The following RBM20 variants were observed in gnomAD, a reference collection of about 807,000 sequenced individuals.
The protein encoded by RBM20 is RNA binding motif protein 20.
RBM20 carries 51 observed loss-of-function variants against 110.1 expected under a neutral mutation model. The ratio of observed to expected loss-of-function variants is 0.46; its 90% CI spans 0.37 to 0.59. The LOEUF (loss-of-function observed/expected upper bound fraction) is 0.59. RBM20 is among the 20% of genes least tolerant of loss of function. RBM20 has a pLI of 0.00. For missense variants in RBM20, 1,512 were observed against 1,574.9 expected, an observed-to-expected ratio of 0.96 and a Z score of 0.68; for synonymous variants, 589 against 618.2, an observed-to-expected ratio of 0.95 and a Z score of 0.70.
intron 1 of RBM20, among the ~76,000 whole-genome samples, chr10:110,753,104 A>G (rs1295214296): frequency 2.0e-5 from 3 of 151,242 alleles, no homozygotes; most frequent in South Asian, 4.2e-4. Flanking sequence ...ATACCCGGCT[A>G]ATTTTTGTAT....
At chr10:110,824,738 T>A (rs1469076180) in intron 12 of RBM20, among the ~76,000 whole-genome samples, 1 of 152,196 alleles carries the variant, frequency 6.6e-6, no homozygotes, top group African/African-American at 2.4e-5. Flanking sequence ...CCAGCCTACA[T>A]CATCTTTGAG....
At chr10:110,825,495 C>G (rs1312066547) in intron 12 of RBM20, among the ~76,000 whole-genome samples, 1 of 152,196 alleles carries the variant, frequency 6.6e-6, no homozygotes, top group Non-Finnish European at 1.5e-5. Flanking sequence ...CAGTCTCTCC[C>G]CAGTCTCCAG....
At chr10:110,750,286 G>A (rs1843836112) in intron 1 of RBM20, among the ~76,000 whole-genome samples, 1 of 152,198 alleles carries the variant, frequency 6.6e-6, no homozygotes, top group South Asian at 2.1e-4. Flanking sequence ...GTTGTATAGG[G>A]GGAAATTGCC....
At chr10:110,695,514 G>A (rs982376871) in intron 1 of RBM20, among the ~76,000 whole-genome samples, 1 of 152,326 alleles carries the variant, frequency 6.6e-6, no homozygotes, top group Non-Finnish European at 1.5e-5. Context: ...CAGGGGAAAT[G>A]TGTCCGCCCC....
At position 110,734,618 on chromosome 10, in the gene RBM20, C is replaced by CATTTT. The variant is rs34824300; in HGVS notation, c.192-46183_192-46182insATTTT. 1.2e-4 allele frequency among the ~76,000 whole-genome samples: 17 copies of CATTTT among 136,544 alleles called. 2 individuals are homozygous for CATTTT. Among genetic ancestry groups the CATTTT allele is most frequent in the African/African-American group, 1.1e-4 (4 of 36,912 alleles). 89.6% of individuals were successfully genotyped at this position (136,544 alleles called of 152,430 possible). A position where few individuals can be genotyped will look rare whatever the true frequency, so the allele number is the denominator to read the frequency against. ...CATGGAACCAATATAAAAATTCCCT[C>CATTTT]TTTTTTTTTTTTTTTTTTGAGAGTG... On this transcript the variant is annotated intron_variant, in intron 1 of 13. Coordinates refer to ENST00000369519, the MANE Select transcript of RBM20 (RefSeq NM_001134363.3).
intron 1 of RBM20, among the ~76,000 whole-genome samples, chr10:110,657,110 G>C (rs890673270): frequency 6.6e-6 from 1 of 151,680 alleles, no homozygotes; most frequent in East Asian, 1.9e-4. Context: ...TCTTCCTCCC[G>C]GGTTCAAGCG....
chr10:110,793,844 G>A (rs1844514955), intron 5 of RBM20, among the ~76,000 whole-genome samples: 1 of 152,208 alleles, frequency 6.6e-6, no homozygotes, highest in South Asian at 2.1e-4. Context: ...TTACCATATT[G>A]ATAAAGAAAT....
At chr10:110,661,882 G>T (rs1319986506) in intron 1 of RBM20, among the ~76,000 whole-genome samples, 1 of 152,000 alleles carries the variant, frequency 6.6e-6, no homozygotes, top group East Asian at 1.9e-4. Flanking sequence ...ATGGTGGTGG[G>T]CACCTGTAAT....
intron 1 of RBM20, among the ~76,000 whole-genome samples, chr10:110,669,306 G>T (rs9651418): frequency 5.9e-5 from 9 of 151,908 alleles, no homozygotes; most frequent in African/African-American, 2.2e-4. Flanking sequence ...GGCGGGGTAG[G>T]GGGGACAGGG....
At chr10:110,749,986 G>T (rs1430600301) in intron 1 of RBM20, among the ~76,000 whole-genome samples, 1 of 152,146 alleles carries the variant, frequency 6.6e-6, no homozygotes, top group Non-Finnish European at 1.5e-5. Context: ...TGAAAAAAAT[G>T]ATAAATTTGA....
chr10:110,831,685 A>C (rs1029671868), intron 13 of RBM20, among the ~76,000 whole-genome samples: 4 of 150,282 alleles, frequency 2.7e-5, no homozygotes, highest in Non-Finnish European at 3.0e-5. Flanking sequence ...AAAAAAAAAA[A>C]AAAAAACACT....
intron 1 of RBM20, among the ~76,000 whole-genome samples, chr10:110,688,913 C>G (rs1862544527): frequency 6.6e-6 from 1 of 151,778 alleles, no homozygotes; most frequent in South Asian, 2.1e-4. Flanking sequence ...CCTATAATAG[C>G]TTCTCTGTCT....
Position 110,821,715 on chromosome 10 carries a change from G to A in RBM20, c.3096G>A (p.Val1032=), listed in dbSNP as rs768655519. The part of the protein sequence containing the change: ...SDCYEKEAKG[V]ESSDVHPAPT... ...GCTACGAGAAGGAGGCAAAGGGAGT[G>A]GAGAGCTCAGATGTTCATCCAGCCC... Residue 1032 remains valine (V), a synonymous_variant, in exon 11 of 14, where the codon GTG becomes GTA. Transcript: ENST00000369519. 7.1e-6 allele frequency: 11 copies of A among 1,551,674 alleles called. No individual in the cohort carries two copies. The Admixed American group carries it at 1.8e-4, about 25-fold the overall frequency.
intron 1 of RBM20, among the ~76,000 whole-genome samples, chr10:110,645,428 T>G (rs1294008765): frequency 1.3e-5 from 2 of 152,214 alleles, no homozygotes; most frequent in African/African-American, 4.8e-5. Context: ...GGATCTCTGC[T>G]CTCCTAAGGG....
chr10:110,677,419 C>T (rs946956045), intron 1 of RBM20, among the ~76,000 whole-genome samples: 11 of 152,064 alleles, frequency 7.2e-5, no homozygotes, highest in Admixed American at 4.6e-4. Flanking sequence ...CCTGGGTTCA[C>T]GCCATTCTCC....
chr10:110,703,630 T>C (rs1288357083), intron 1 of RBM20, among the ~76,000 whole-genome samples: 1 of 152,212 alleles, frequency 6.6e-6, no homozygotes, highest in African/African-American at 2.4e-5. Context: ...TATTTAGCCC[T>C]ATACAATTTT....
chr10:110,690,511 C>G (rs1204939208), intron 1 of RBM20, among the ~76,000 whole-genome samples: 1 of 152,214 alleles, frequency 6.6e-6, no homozygotes, highest in Non-Finnish European at 1.5e-5. Context: ...ATCACCCAAA[C>G]AGAAACTCTC....
chr10:110,736,537 AAAAG>A (rs769359892), intron 1 of RBM20, among the ~76,000 whole-genome samples: 59 of 152,340 alleles, frequency 3.9e-4, no homozygotes, highest in Admixed American at 1.0e-3. Flanking sequence ...ATCTTAAAAA[AAAAG>A]AAAGAAAGAA....
chr10:110,742,596 C>T (rs566741446), intron 1 of RBM20, among the ~76,000 whole-genome samples: 8 of 152,254 alleles, frequency 5.3e-5, no homozygotes, highest in South Asian at 2.1e-4. Context: ...TCTTTACCCC[C>T]GAACTTCTTT....
Sources: allele counts gnomAD v4.1 joint callset (sites outside exome capture counted in the v4.1 genomes callset), GRCh38; gene constraint gnomAD v4.1.1; transcripts MANE v1.5; gene names NCBI Gene and HGNC (gene_info 2026-07-23, HGNC 2026-07-21).